The following GPC5 variants were observed in gnomAD, a reference collection of about 807,000 sequenced individuals.
GPC5 encodes the protein glypican 5.
Under a neutral mutation model 53.9 loss-of-function variants are expected in GPC5, and 47 were observed. That is an observed-to-expected ratio of 0.87 (90% CI 0.69 to 1.11). GPC5 has a LOEUF of 1.11. GPC5 is among the 50% of genes most tolerant of loss of function. GPC5 has a pLI of 0.00. For missense variants in GPC5, 748 were observed against 713.1 expected (o/e 1.05, Z -0.56); for synonymous variants, 286 against 263.3 (o/e 1.09, Z -0.84).
In GPC5 at chr13:91,459,008, A is replaced by G. The variant is rs1881744310; in HGVS notation, c.325+10086A>G. Among the ~76,000 whole-genome samples, 3 of 151,962 alleles carry G rather than the reference A, an allele frequency of 2.0e-5. No homozygotes were observed. The South Asian group carries it at 6.2e-4, about 32-fold the overall frequency. Reference sequence around the variant, plus strand: ...CTCACTGATAAGTGGGAGCTAAGCTATGAGGATGCAAAGACATAAGAATGA... The same window carrying G: ...CTCACTGATAAGTGGGAGCTAAGCTGTGAGGATGCAAAGACATAAGAATGA... On this transcript the variant is annotated intron_variant, in intron 2 of 7. Transcript: ENST00000377067.
At chr13:91,976,464 C>G (rs2040303043) in intron 6 of GPC5, among the ~76,000 whole-genome samples, 1 of 152,092 alleles carries the variant, frequency 6.6e-6, no homozygotes, top group African/African-American at 2.4e-5. Context: ...GGGAGATCAG[C>G]CTCAAATCCG....
intron 2 of GPC5, among the ~76,000 whole-genome samples, chr13:91,512,407 T>A (rs941028742): frequency 6.6e-6 from 1 of 152,128 alleles, no homozygotes; most frequent in African/African-American, 2.4e-5. Context: ...TTGGGGGGAT[T>A]TTTTCAGCTT....
intron 7 of GPC5, among the ~76,000 whole-genome samples, chr13:92,459,825 A>G (rs1163303259): frequency 2.0e-5 from 3 of 152,110 alleles, no homozygotes; most frequent in African/African-American, 4.8e-5. Context: ...TTGTCTCTCT[A>G]GCTTAAAACA....
At chr13:91,981,539 TCG>T (rs2040359551) in intron 6 of GPC5, among the ~76,000 whole-genome samples, 1 of 152,182 alleles carries the variant, frequency 6.6e-6, no homozygotes, top group Non-Finnish European at 1.5e-5. Flanking sequence ...TCCGCCCACC[TCG>T]GCCTCCCAAA....
At chr13:91,825,622 G>C (rs1174053761) in intron 5 of GPC5, among the ~76,000 whole-genome samples, 1 of 152,052 alleles carries the variant, frequency 6.6e-6, no homozygotes, top group Non-Finnish European at 1.5e-5. Flanking sequence ...GTAGAAACTG[G>C]AAGGGATTTG....
At chr13:91,478,822 T>TATATACACAC (rs1323023652) in intron 2 of GPC5, among the ~76,000 whole-genome samples, 23 of 92,150 alleles carry the variant, frequency 2.5e-4, no homozygotes, top group African/African-American at 1.1e-3. Flanking sequence ...TATATATATA[T>TATATACACAC]ACACACACAC....
chr13:92,243,489 A>G (rs1285980895), intron 7 of GPC5, among the ~76,000 whole-genome samples: 3 of 152,168 alleles, frequency 2.0e-5, no homozygotes, highest in African/African-American at 7.2e-5. Context: ...GTTATTGTCA[A>G]TAGAAACTGA....
At chr13:92,117,183 A>G (rs1306820939) in intron 6 of GPC5, among the ~76,000 whole-genome samples, 1 of 152,166 alleles carries the variant, frequency 6.6e-6, no homozygotes, top group African/African-American at 2.4e-5. Context: ...GTGCTATGTA[A>G]AATATCAGCT....
intron 7 of GPC5, among the ~76,000 whole-genome samples, chr13:92,324,216 A>C (rs572237968): frequency 1.3e-5 from 2 of 152,122 alleles, no homozygotes; most frequent in South Asian, 2.1e-4. Context: ...ATATAGTAAC[A>C]TAAAATTAAA....
chr13:92,639,777 CA>C (rs1383875472), intron 7 of GPC5, among the ~76,000 whole-genome samples: 6 of 152,138 alleles, frequency 3.9e-5, no homozygotes, highest in Admixed American at 3.9e-4. Context: ...CATTGAAAAG[CA>C]AATGGGTGCA....
chr13:92,005,777 A>G (rs980985326), intron 6 of GPC5, among the ~76,000 whole-genome samples: 5 of 152,172 alleles, frequency 3.3e-5, no homozygotes, highest in African/African-American at 1.2e-4. Flanking sequence ...TCTTCTGCAT[A>G]TGGATATCCA....
intron 7 of GPC5, among the ~76,000 whole-genome samples, chr13:92,673,407 A>G (rs1178061595): frequency 6.6e-6 from 1 of 151,024 alleles, no homozygotes; most frequent in Non-Finnish European, 1.5e-5. Flanking sequence ...TCAGCCTTCC[A>G]GTACCTTCCA....
intron 7 of GPC5, among the ~76,000 whole-genome samples, chr13:92,716,056 T>C (rs1003456325): frequency 3.3e-5 from 5 of 152,184 alleles, no homozygotes; most frequent in South Asian, 2.1e-4. Context: ...GAAATATCCA[T>C]GATATAAGAC....
chr13:91,703,169 G>A (rs1291864275), intron 3 of GPC5, among the ~76,000 whole-genome samples: 1 of 151,942 alleles, frequency 6.6e-6, no homozygotes, highest in Non-Finnish European at 1.5e-5. Flanking sequence ...CTTTTATTGA[G>A]TTTTCTTGCC....
At chr13:91,518,925 C>A (rs1566470740) in intron 2 of GPC5, among the ~76,000 whole-genome samples, 2 of 152,170 alleles carry the variant, frequency 1.3e-5, no homozygotes, top group East Asian at 3.9e-4. Context: ...GCAAGCAGTT[C>A]TCACATCATC....
At chr13:91,954,445 C>T (rs757182864) in intron 6 of GPC5, among the ~76,000 whole-genome samples, 3 of 151,942 alleles carry the variant, frequency 2.0e-5, no homozygotes, top group East Asian at 3.9e-4. Flanking sequence ...AATAACAATT[C>T]GTATAGGCAT....
intron 1 of GPC5, among the ~76,000 whole-genome samples, chr13:91,410,592 C>CACT (rs1877673867): frequency 1.3e-5 from 2 of 151,704 alleles, no homozygotes; most frequent in Admixed American, 6.6e-5. Context: ...GTGATCCGCC[C>CACT]GCCTTGGCCT....
intron 6 of GPC5, among the ~76,000 whole-genome samples, chr13:91,968,149 C>G (rs922052631): frequency 6.6e-5 from 10 of 151,946 alleles, no homozygotes; most frequent in Admixed American, 3.3e-4. Flanking sequence ...GAAATGTGTC[C>G]TTTGTTTAAT....
intron 3 of GPC5, among the ~76,000 whole-genome samples, chr13:91,722,355 T>A (rs1246087665): frequency 6.6e-6 from 1 of 152,160 alleles, no homozygotes; most frequent in Non-Finnish European, 1.5e-5. Context: ...TTTCTGAAGA[T>A]TTCTCATATC....
Sources: allele counts gnomAD v4.1 joint callset (sites outside exome capture counted in the v4.1 genomes callset), GRCh38; gene constraint gnomAD v4.1.1; transcripts MANE v1.5; gene names NCBI Gene and HGNC (gene_info 2026-07-23, HGNC 2026-07-21).